The following AMPH variants were observed in gnomAD, a reference collection of about 807,000 sequenced individuals.
AMPH encodes amphiphysin (Stiff-Mann syndrome with breast cancer 128kD autoantigen).
AMPH carries 49 observed loss-of-function variants against 99.1 expected under a neutral mutation model. The observed-to-expected ratio is 0.49, with a 90% CI of 0.39 to 0.63. The LOEUF is 0.63. Among genes scored for constraint, AMPH ranks in the 20% least tolerant of loss-of-function variants. The pLI, the probability that AMPH is intolerant of heterozygous loss-of-function variation, is 0.00. For missense variants in AMPH, 759 were observed against 863.4 expected (o/e 0.88, Z 1.52); for synonymous variants, 314 against 317.3 (o/e 0.99, Z 0.11).
rs556822241 is a variant in AMPH at position 38,571,091 on chromosome 7, AT to A, written c.70-36081del. On this transcript the variant is annotated intron_variant, in intron 1 of 20. Coordinates refer to ENST00000356264, the MANE Select transcript of AMPH (RefSeq NM_001635.4). ...ATATATAGAATATATATATTCATAT[AT>A]TGAATATATATATTCATATATACAG... Among the ~76,000 whole-genome samples the A allele has an allele frequency of 6.6e-3, 503 of 76,152 alleles. 42 individuals are homozygous for A. The highest frequency in any genetic ancestry group is 0.014 in the South Asian group (34 of 2,512). 50.0% of individuals were successfully genotyped at this position (76,152 alleles called of 152,430 possible).
chr7:38,581,592 C>T (rs1792466059), intron 1 of AMPH, among the ~76,000 whole-genome samples: 1 of 152,144 alleles, frequency 6.6e-6, no homozygotes. Context: ...TAGAGCCTCA[C>T]TCACCTTTTA....
intron 1 of AMPH, among the ~76,000 whole-genome samples, chr7:38,609,649 T>A (rs771812105): frequency 3.3e-5 from 5 of 152,168 alleles, no homozygotes; most frequent in Non-Finnish European, 5.9e-5. Flanking sequence ...TTCTGTATGA[T>A]CTCAACTTGT....
At chr7:38,477,734 C>A (rs1196741087) in intron 5 of AMPH, among the ~76,000 whole-genome samples, 1 of 151,878 alleles carries the variant, frequency 6.6e-6, no homozygotes, top group Non-Finnish European at 1.5e-5. Context: ...AGCTTTAAGC[C>A]GCTTGAGGAG....
intron 17 of AMPH, among the ~76,000 whole-genome samples, chr7:38,410,734 C>T (rs541486856): frequency 6.6e-6 from 1 of 152,234 alleles, no homozygotes; most frequent in Non-Finnish European, 1.5e-5. Context: ...GTTGACCATG[C>T]AGTTAGTTCC....
chr7:38,450,571 GTCGATTA>G (rs1314920895), intron 11 of AMPH, among the ~76,000 whole-genome samples: 5 of 152,180 alleles, frequency 3.3e-5, no homozygotes, highest in African/African-American at 4.8e-5. Context: ...CATGTGTACG[GTCGATTA>G]TATGCTTCTG....
At chr7:38,444,074 C>T (rs1487427093) in intron 11 of AMPH, among the ~76,000 whole-genome samples, 1 of 152,052 alleles carries the variant, frequency 6.6e-6, no homozygotes, top group Non-Finnish European at 1.5e-5. Context: ...AATTTAAAAA[C>T]ATGATTTATA....
rs920406915 is a variant in AMPH at position 38,503,597 on chromosome 7, T to G, written c.205+53A>C. 4 of 1,576,996 alleles carry G rather than the reference T, an allele frequency of 2.5e-6. No homozygotes were observed. The African/African-American group carries it at 5.4e-5, about 21-fold the overall frequency. On this transcript the variant is annotated intron_variant, in intron 3 of 20. Transcript: ENST00000356264. The stretch of plus-strand genomic sequence containing the variant: ...ACACTCAATCCTGTCACTCATGAAT[T>G]CCAAGAACAACCTGTGCTAAGTAAC...
At chr7:38,448,957 C>T (rs916760077) in intron 11 of AMPH, among the ~76,000 whole-genome samples, 3 of 151,992 alleles carry the variant, frequency 2.0e-5, no homozygotes, top group African/African-American at 7.2e-5. Flanking sequence ...GGGTTTTGTT[C>T]ATTGCTTTTA....
chr7:38,430,044 C>T (rs991777819), intron 13 of AMPH, 179 bp from the exon 14 acceptor site: 39 of 557,064 alleles, frequency 7.0e-5, no homozygotes, highest in African/African-American at 6.2e-4. Flanking sequence ...TTGTTTAAGA[C>T]CACCATAGAA....
At chr7:38,402,281 C>A (rs745365109) in intron 17 of AMPH, among the ~76,000 whole-genome samples, 14 of 152,124 alleles carry the variant, frequency 9.2e-5, no homozygotes, top group Non-Finnish European at 1.6e-4. Context: ...AGGCAATTTT[C>A]AAATTTTGTC....
intron 1 of AMPH, among the ~76,000 whole-genome samples, chr7:38,604,700 AC>A (rs1382126028): frequency 6.6e-6 from 1 of 152,154 alleles, no homozygotes; most frequent in Non-Finnish European, 1.5e-5. Context: ...CCAGGAATCT[AC>A]CCTGTTATAA....
At chr7:38,452,629 T>C (rs776353957) in intron 11 of AMPH, among the ~76,000 whole-genome samples, 2 of 152,232 alleles carry the variant, frequency 1.3e-5, no homozygotes, top group Non-Finnish European at 2.9e-5. Context: ...TGGTCAGTCA[T>C]AGCACACACT....
chr7:38,615,881 A>C (rs1271396299), intron 1 of AMPH, among the ~76,000 whole-genome samples: 2 of 152,188 alleles, frequency 1.3e-5, no homozygotes, highest in Non-Finnish European at 2.9e-5. Flanking sequence ...ATGTCAGTGC[A>C]GCCAGATGGC....
At chr7:38,429,738 G>C (rs961948642) in intron 14 of AMPH, 104 bp downstream of exon 14, 6 of 1,384,592 alleles carry the variant, frequency 4.3e-6, no homozygotes, top group African/African-American at 2.9e-5. Context: ...TTAAATCTAT[G>C]ACTAGCAATG....
chr7:38,584,628 A>G (rs1016527667), intron 1 of AMPH, among the ~76,000 whole-genome samples: 1 of 152,172 alleles, frequency 6.6e-6, no homozygotes, highest in Non-Finnish European at 1.5e-5. Flanking sequence ...ATCATGAATC[A>G]CGTCATGTGG....
intron 1 of AMPH, among the ~76,000 whole-genome samples, chr7:38,589,197 C>G (rs1032512267): frequency 5.9e-5 from 9 of 152,164 alleles, no homozygotes; most frequent in African/African-American, 2.2e-4. Flanking sequence ...ACCATAAAAA[C>G]TGCAAGTGTG....
At chr7:38,493,020 T>A (rs1466302342) in intron 4 of AMPH, among the ~76,000 whole-genome samples, 2 of 152,158 alleles carry the variant, frequency 1.3e-5, no homozygotes, top group Non-Finnish European at 2.9e-5. Flanking sequence ...CAAATCTACA[T>A]CCTGAAAGTT....
intron 5 of AMPH, among the ~76,000 whole-genome samples, chr7:38,484,085 CA>C (rs1788396417): frequency 6.6e-6 from 1 of 151,904 alleles, no homozygotes; most frequent in Admixed American, 6.6e-5. Context: ...AAAAGAAAAA[CA>C]AATGCAAAAT....
chr7:38,439,257 T>C (rs73352628), intron 11 of AMPH, among the ~76,000 whole-genome samples: 3,394 of 152,324 alleles, frequency 0.022, 120 homozygotes, highest in African/African-American at 0.074. Flanking sequence ...CAATTCTTTA[T>C]AGCAGTGTGA....
Sources: gnomAD v4.1 joint callset for allele counts (sites outside exome capture counted in the v4.1 genomes callset) on GRCh38, gnomAD v4.1.1 for gene constraint, MANE v1.5 for transcripts, NCBI Gene and HGNC (gene_info 2026-07-23, HGNC 2026-07-21) for gene names.